Variants in TBC1D22A observed in about 807,000 individuals in gnomAD.
The protein encoded by TBC1D22A is TBC1 domain family member 22A.
Under a neutral mutation model 60.2 loss-of-function variants are expected in TBC1D22A, and 38 were observed. The ratio of observed to expected loss-of-function variants is 0.63; its 90% CI spans 0.49 to 0.83. The LOEUF (loss-of-function observed/expected upper bound fraction) is 0.83, where lower values mean the gene tolerates loss of function less well. Ranked by LOEUF, TBC1D22A falls within the 40% of genes least tolerant of loss-of-function variation. The pLI is 0.00. For missense variants in TBC1D22A, 628 were observed against 701.0 expected (o/e 0.90, Z 1.18); for synonymous variants, 302 against 281.7 (o/e 1.07, Z -0.72).
intron 1 of TBC1D22A, among the ~76,000 whole-genome samples, chr22:46,783,319 A>G (rs1399089707): frequency 6.6e-6 from 1 of 152,190 alleles, no homozygotes; most frequent in African/African-American, 2.4e-5. Flanking sequence ...CTGGAGAGTA[A>G]GGCGGTGCTC....
In TBC1D22A at chr22:46,891,404, C is replaced by A; in HGVS notation, c.837+10C>A. On this transcript the variant is annotated intron_variant, in intron 6 of 12. Transcript: ENST00000337137. Reference sequence around the variant, plus strand: ...GGACACATACAGGCAGGTGGGAATCCTTTCTTTTTTTCGTATGTTGCCTGA... The same window carrying A: ...GGACACATACAGGCAGGTGGGAATCATTTCTTTTTTTCGTATGTTGCCTGA... 6.3e-7 allele frequency: 1 copy of A among 1,590,954 alleles called. No homozygotes were observed. The highest frequency in any genetic ancestry group is 8.5e-7 in the Non-Finnish European group (1 of 1,172,512).
chr22:46,937,317 C>T (rs542883121), intron 8 of TBC1D22A, among the ~76,000 whole-genome samples: 20 of 152,328 alleles, frequency 1.3e-4, no homozygotes, highest in African/African-American at 2.6e-4. Flanking sequence ...CACATAATGA[C>T]GTTTCTGTCA....
chr22:47,072,647 A>G (rs2064046517), intron 11 of TBC1D22A, among the ~76,000 whole-genome samples: 1 of 152,190 alleles, frequency 6.6e-6, no homozygotes, highest in South Asian at 2.1e-4. Context: ...CACCCTGTGC[A>G]GGGGGCCTAG....
intron 1 of TBC1D22A, among the ~76,000 whole-genome samples, chr22:46,771,114 C>T (rs755648724): frequency 6.6e-6 from 1 of 152,152 alleles, no homozygotes; most frequent in African/African-American, 2.4e-5. Context: ...ACATATTCGT[C>T]TGATAGAGTA....
At chr22:46,898,824 A>G (rs1384095177) in intron 7 of TBC1D22A, among the ~76,000 whole-genome samples, 1 of 152,236 alleles carries the variant, frequency 6.6e-6, no homozygotes, top group African/African-American at 2.4e-5. Flanking sequence ...TTTTGGAACC[A>G]AAAGGGGAAG....
At chr22:46,997,746 G>C (rs527415182) in intron 10 of TBC1D22A, 37 bp downstream of exon 10, 1 of 1,593,326 alleles carries the variant, frequency 6.3e-7, no homozygotes, top group South Asian at 1.1e-5. Context: ...CTCTGTGGGC[G>C]GGGGGAGGTG....
chr22:46,932,126 C>T (rs1402829778), intron 8 of TBC1D22A, among the ~76,000 whole-genome samples: 1 of 152,242 alleles, frequency 6.6e-6, no homozygotes, highest in African/African-American at 2.4e-5. Flanking sequence ...CAGAGCAAGA[C>T]TCTGTCAGTG....
chr22:46,788,164 C>T (rs1015075568), intron 1 of TBC1D22A, among the ~76,000 whole-genome samples: 6 of 152,012 alleles, frequency 3.9e-5, no homozygotes, highest in African/African-American at 1.4e-4. Flanking sequence ...TCTCGATCTC[C>T]AGACCTCGTG....
At chr22:47,038,230 C>G (rs1446353925) in intron 11 of TBC1D22A, among the ~76,000 whole-genome samples, 1 of 152,208 alleles carries the variant, frequency 6.6e-6, no homozygotes, top group Non-Finnish European at 1.5e-5. Context: ...CATCCCGGCA[C>G]CTCAAGAGCC....
chr22:46,967,527 A>G (rs759822827), intron 8 of TBC1D22A, among the ~76,000 whole-genome samples: 1 of 152,224 alleles, frequency 6.6e-6, no homozygotes, highest in African/African-American at 2.4e-5. Flanking sequence ...TGGGTGATGA[A>G]TGTGGTGGTA....
At chr22:47,107,801 T>G (rs893119419) in intron 11 of TBC1D22A, among the ~76,000 whole-genome samples, 3 of 152,256 alleles carry the variant, frequency 2.0e-5, no homozygotes, top group Admixed American at 1.3e-4. Context: ...GTTTAGTCTT[T>G]CAGCAAATTG....
intron 12 of TBC1D22A, among the ~76,000 whole-genome samples, chr22:47,114,432 G>T (rs1229027342): frequency 6.6e-6 from 1 of 152,004 alleles, no homozygotes; most frequent in African/African-American, 2.4e-5. Flanking sequence ...GTTGGATGGA[G>T]AGAATGCTGT....
At chr22:46,943,892 G>A (rs1481704645) in intron 8 of TBC1D22A, among the ~76,000 whole-genome samples, 1 of 152,100 alleles carries the variant, frequency 6.6e-6, no homozygotes, top group African/African-American at 2.4e-5. Context: ...TCAGTACTCC[G>A]GTCCTTTTTA....
chr22:46,890,006 T>C lies in TBC1D22A; in HGVS notation c.709-1260T>C, dbSNP rs1292162342. Among the ~76,000 whole-genome samples, 4 of 152,180 alleles carry C rather than the reference T, an allele frequency of 2.6e-5. No individual in the cohort carries two copies. In the East Asian group the frequency reaches 7.7e-4, roughly 29 times the overall value. ...TAAATTAGAATTGGCCATTTATATC[T>C]GGGGGTTTTGCATCTGCAGATTCAA... On this transcript the variant is annotated intron_variant, in intron 5 of 12. Coordinates refer to ENST00000337137, the MANE Select transcript of TBC1D22A (RefSeq NM_014346.5).
At chr22:46,971,160 C>T (rs2074040204) in intron 8 of TBC1D22A, among the ~76,000 whole-genome samples, 1 of 152,152 alleles carries the variant, frequency 6.6e-6, no homozygotes, top group African/African-American at 2.4e-5. Flanking sequence ...AACAAATGGC[C>T]CATTGTGAGA....
rs368322743 is a variant in TBC1D22A at position 46,833,293 on chromosome 22, T to C, written c.637+35673T>C. On this transcript the variant is annotated intron_variant, in intron 4 of 12. Transcript: ENST00000337137. The stretch of plus-strand genomic sequence containing the variant: ...AAGCTTAAGTTGTTTGGACTGAAGG[T>C]TATAGCTCAGGCCCTATTATAAACC... 9.2e-5 allele frequency among the ~76,000 whole-genome samples: 14 copies of C among 152,354 alleles called. No homozygotes were observed. The East Asian group carries it at 2.1e-3, about 23-fold the overall frequency.
intron 11 of TBC1D22A, among the ~76,000 whole-genome samples, chr22:47,054,056 C>G (rs2063311530): frequency 6.6e-6 from 1 of 152,210 alleles, no homozygotes; most frequent in South Asian, 2.1e-4. Context: ...AGTTCCCTCC[C>G]TGAGCAATGG....
intron 4 of TBC1D22A, among the ~76,000 whole-genome samples, chr22:46,823,535 G>A (rs1036000572): frequency 2.6e-5 from 4 of 152,160 alleles, no homozygotes; most frequent in Admixed American, 1.3e-4. Flanking sequence ...AGGTGCCCGC[G>A]TGGTGTTTGT....
chr22:47,092,625 G>A (rs990765582), intron 11 of TBC1D22A, among the ~76,000 whole-genome samples: 5 of 152,162 alleles, frequency 3.3e-5, no homozygotes, highest in African/African-American at 1.2e-4. Context: ...CATGCCCACC[G>A]GCGGGCCTCA....
Sources: gnomAD v4.1 joint callset for allele counts (sites outside exome capture counted in the v4.1 genomes callset) on GRCh38, gnomAD v4.1.1 for gene constraint, MANE v1.5 for transcripts, NCBI Gene and HGNC (gene_info 2026-07-23, HGNC 2026-07-21) for gene names.